The following KCNH1 variants were observed in gnomAD, a reference collection of about 807,000 sequenced individuals.
KCNH1 encodes potassium voltage-gated channel subfamily H member 1, also known as voltage-gated delayed rectifier potassium channel KCNH1.
In KCNH1, 27 loss-of-function variants were observed where a neutral mutation model predicts 69.2. The observed-to-expected ratio is 0.39, with a 90% CI of 0.29 to 0.54. The LOEUF (loss-of-function observed/expected upper bound fraction) is 0.54, where lower values mean the gene tolerates loss of function less well. Among genes scored for constraint, KCNH1 ranks in the 20% least tolerant of loss-of-function variants. The probability of loss-of-function intolerance (pLI) is 0.68; values close to 1 mark genes in which losing one functional copy is unlikely to be tolerated. For synonymous variants in KCNH1, 456 were observed against 487.7 expected (o/e 0.93, Z 0.86); for missense variants, 798 against 1,261.6 (o/e 0.63, Z 5.57).
Position 210,877,137 on chromosome 1 carries a change from T to A in KCNH1, c.1462+42503A>T, listed in dbSNP as rs114812552. 2.2e-3 allele frequency among the ~76,000 whole-genome samples: 336 copies of A among 152,172 alleles called. 3 individuals are homozygous for A. Among genetic ancestry groups the A allele is most frequent in the African/African-American group, 8.0e-3 (331 of 41,502 alleles). ...CACCAATCAGGACAAACAATTTGTT[T>A]GCAAAAAATGCTACTTGCTTTTGCA... On this transcript the variant is annotated intron_variant, in intron 7 of 10. Transcript: ENST00000271751.
rs1269944999 is a variant in KCNH1 at position 210,806,821 on chromosome 1, AAAAAAAAAAAAAAAAAT to A, written c.1463-2672_1463-2656del. ...CCCATCTCTACCAAAAAAAAAAAAAAAAAAAAAAAAAAAAAATATATATATATATATATAAATTTGCC... is the reference window on the plus strand; with the variant it reads ...CCCATCTCTACCAAAAAAAAAAAAAAATATATATATATATATAAATTTGCC... On this transcript the variant is annotated intron_variant, in intron 7 of 10. Coordinates refer to ENST00000271751, the MANE Select transcript of KCNH1 (RefSeq NM_172362.3). 7.2e-4 allele frequency among the ~76,000 whole-genome samples: 30 copies of A among 41,452 alleles called. 1 individual carries two copies. The highest frequency in any genetic ancestry group is 4.4e-3 in the South Asian group (3 of 688). 27.2% of individuals were successfully genotyped at this position (41,452 alleles called of 152,430 possible).
intron 10 of KCNH1, among the ~76,000 whole-genome samples, chr1:210,746,516 G>C (rs1934633): frequency 5.3e-5 from 8 of 151,662 alleles, no homozygotes; most frequent in African/African-American, 1.9e-4. Flanking sequence ...AGGACAGCAC[G>C]GGGGCTGCAA....
intron 7 of KCNH1, among the ~76,000 whole-genome samples, chr1:210,875,816 AAT>A (rs1204754136): frequency 2.0e-5 from 3 of 152,084 alleles, no homozygotes; most frequent in African/African-American, 7.2e-5. Context: ...AAAAAAAAAA[AAT>A]AAATCAATAG....
At chr1:211,002,285 T>C (rs759632801) in intron 6 of KCNH1, among the ~76,000 whole-genome samples, 1 of 147,782 alleles carries the variant, frequency 6.8e-6, no homozygotes, top group Non-Finnish European at 1.5e-5. Context: ...TATACGTATG[T>C]ATACATGTAT....
At chr1:210,704,154 A>G (rs1327706511) in intron 10 of KCNH1, among the ~76,000 whole-genome samples, 4 of 152,040 alleles carry the variant, frequency 2.6e-5, no homozygotes, top group African/African-American at 7.3e-5. Context: ...ACCTGAGAAC[A>G]TGTGTCGAAG....
At chr1:210,901,852 G>T (rs1369684314) in intron 7 of KCNH1, among the ~76,000 whole-genome samples, 1 of 152,140 alleles carries the variant, frequency 6.6e-6, no homozygotes, top group Non-Finnish European at 1.5e-5. Context: ...TAATCACTTG[G>T]ATACTGAGCT....
chr1:210,940,469 T>C (rs1389313491), intron 6 of KCNH1, among the ~76,000 whole-genome samples: 2 of 152,206 alleles, frequency 1.3e-5, no homozygotes, highest in African/African-American at 4.8e-5. Context: ...TTACTGAGTG[T>C]AAAGAGAGCT....
At chr1:211,124,379 C>T (rs1691741390) in intron 1 of KCNH1, among the ~76,000 whole-genome samples, 1 of 152,188 alleles carries the variant, frequency 6.6e-6, no homozygotes, top group Non-Finnish European at 1.5e-5. Flanking sequence ...CCACTTTTGG[C>T]TCATGCCTAT....
At chr1:210,982,425 C>A (rs1300434983) in intron 6 of KCNH1, among the ~76,000 whole-genome samples, 1 of 152,050 alleles carries the variant, frequency 6.6e-6, no homozygotes, top group Non-Finnish European at 1.5e-5. Context: ...CCCCTTCCCC[C>A]CACTCCACAC....
In KCNH1 at chr1:210,985,847, T is replaced by C. The variant is rs959193218; in HGVS notation, c.1032+32936A>G. ...AATTCCTGGATATCCATGTTAACTT[T>C]CTGTCTCATTGATCTGTCTAATGTT... On this transcript the variant is annotated intron_variant, in intron 6 of 10. Coordinates refer to ENST00000271751, the MANE Select transcript of KCNH1 (RefSeq NM_172362.3). Among the ~76,000 whole-genome samples, 3 of 152,324 alleles carry C rather than the reference T, an allele frequency of 2.0e-5. No individual in the cohort carries two copies. The South Asian group carries it at 6.2e-4, about 32-fold the overall frequency.
intron 7 of KCNH1, among the ~76,000 whole-genome samples, chr1:210,915,455 T>G (rs781239410): frequency 6.6e-6 from 1 of 152,002 alleles, no homozygotes; most frequent in Admixed American, 6.6e-5. Flanking sequence ...TACCAATGCA[T>G]AGGAGAGATT....
chr1:210,833,190 A>T (rs1295361112), intron 7 of KCNH1, among the ~76,000 whole-genome samples: 3 of 152,134 alleles, frequency 2.0e-5, no homozygotes, highest in African/African-American at 7.2e-5. Context: ...TAAATATGAT[A>T]TATTTATAAA....
At chr1:210,957,745 T>C (rs917315245) in intron 6 of KCNH1, among the ~76,000 whole-genome samples, 1 of 152,204 alleles carries the variant, frequency 6.6e-6, no homozygotes, top group African/African-American at 2.4e-5. Flanking sequence ...ACCCATGCTT[T>C]TTTTGCTTTC....
intron 6 of KCNH1, among the ~76,000 whole-genome samples, chr1:210,985,120 G>A (rs1038982845): frequency 3.5e-4 from 54 of 152,126 alleles, no homozygotes; most frequent in African/African-American, 1.1e-3. Context: ...CTGTGGGATC[G>A]GTGGTGATAT....
chr1:210,869,809 A>T (rs1396646110), intron 7 of KCNH1, among the ~76,000 whole-genome samples: 1 of 152,084 alleles, frequency 6.6e-6, no homozygotes, highest in Non-Finnish European at 1.5e-5. Context: ...TCATAACTCA[A>T]ACTTCTACCA....
intron 10 of KCNH1, among the ~76,000 whole-genome samples, chr1:210,729,171 G>T (rs2149030474): frequency 6.6e-6 from 1 of 152,266 alleles, no homozygotes; most frequent in African/African-American, 2.4e-5. Context: ...CATGCAAGGG[G>T]AAAAAGGAAA....
intron 5 of KCNH1, among the ~76,000 whole-genome samples, chr1:211,072,503 A>AGTC (rs1405321725): frequency 6.6e-6 from 1 of 152,230 alleles, no homozygotes; most frequent in Non-Finnish European, 1.5e-5. Context: ...AACAGATGAC[A>AGTC]GTTCAATGAA....
intron 5 of KCNH1, among the ~76,000 whole-genome samples, chr1:211,030,114 A>G (rs1015206466): frequency 6.6e-6 from 1 of 152,222 alleles, no homozygotes; most frequent in Non-Finnish European, 1.5e-5. Context: ...CACAATTTCT[A>G]TCAAAATGCT....
chr1:211,065,679 T>A lies in KCNH1; in HGVS notation c.558+17101A>T, dbSNP rs187514940. 2.8e-3 allele frequency among the ~76,000 whole-genome samples: 427 copies of A among 152,278 alleles called. 1 individual carries two copies. Among genetic ancestry groups the A allele is most frequent in the African/African-American group, 9.7e-3 (402 of 41,536 alleles). On this transcript the variant is annotated intron_variant, in intron 5 of 10. Coordinates refer to ENST00000271751, the MANE Select transcript of KCNH1 (RefSeq NM_172362.3). ...ATAAGTATGTGAGGTGACACATATG[T>A]TAGTTTGATTTAGCCATTCTACAAT...
Sources: allele counts gnomAD v4.1 joint callset (sites outside exome capture counted in the v4.1 genomes callset), GRCh38; gene constraint gnomAD v4.1.1; transcripts MANE v1.5; gene names NCBI Gene and HGNC (gene_info 2026-07-23, HGNC 2026-07-21).